REEP1: variants seen among roughly 807,000 people sequenced by gnomAD.
The protein encoded by REEP1 is receptor expression-enhancing protein 1.
REEP1 carries 22 observed loss-of-function variants against 40.3 expected under a neutral mutation model. That is an observed-to-expected ratio of 0.55 (90% CI 0.39 to 0.78). The LOEUF (loss-of-function observed/expected upper bound fraction) is 0.78, where lower values mean the gene tolerates loss of function less well. REEP1 is among the 30% of genes least tolerant of loss of function. The pLI is 0.00. For synonymous variants in REEP1, 116 were observed against 139.2 expected (o/e 0.83, Z 1.17); for missense variants, 280 against 361.1 (o/e 0.78, Z 1.82).
At chr2:86,317,412 TATC>T (rs1304982465) in intron 1 of REEP1, among the ~76,000 whole-genome samples, 1 of 152,220 alleles carries the variant, frequency 6.6e-6, no homozygotes, top group African/African-American at 2.4e-5. Flanking sequence ...TGATTCTCTG[TATC>T]ATCTACAGAC....
chr2:86,273,748 C>T (rs1266915806), intron 2 of REEP1, among the ~76,000 whole-genome samples: 3 of 152,182 alleles, frequency 2.0e-5, no homozygotes, highest in Non-Finnish European at 4.4e-5. Context: ...CTAGGACATA[C>T]CCGAAGTTTG....
chr2:86,240,539 G>C (rs1257592902), intron 5 of REEP1, among the ~76,000 whole-genome samples: 2 of 152,230 alleles, frequency 1.3e-5, no homozygotes, highest in Admixed American at 6.5e-5. Flanking sequence ...CAGGGCGTGA[G>C]AGTGGACGAA....
At chr2:86,316,080 G>C (rs983049689) in intron 1 of REEP1, among the ~76,000 whole-genome samples, 14 of 152,124 alleles carry the variant, frequency 9.2e-5, no homozygotes, top group Non-Finnish European at 2.1e-4. Flanking sequence ...GTACAGACGA[G>C]ACACCAGAAA....
intron 2 of REEP1, among the ~76,000 whole-genome samples, chr2:86,280,972 AC>A (rs1415257732): frequency 1.6e-4 from 24 of 152,076 alleles, no homozygotes; most frequent in African/African-American, 5.6e-4. Flanking sequence ...GCTATTACCC[AC>A]CCCACTGTTC....
At chr2:86,255,121 G>GGCTGT (rs1676484696) in intron 3 of REEP1, 3 of 316,278 alleles carry the variant, frequency 9.5e-6, no homozygotes, top group Non-Finnish European at 1.8e-5. Context: ...CTTCCTGCTG[G>GGCTGT]GCTGTGCTCA....
At chr2:86,232,499 G>A (rs1019576391) in intron 6 of REEP1, 126 bp downstream of exon 6, 11 of 1,157,992 alleles carry the variant, frequency 9.5e-6, no homozygotes, top group Non-Finnish European at 1.1e-5. Context: ...ATGATCTGAT[G>A]GACACCCCGT....
chr2:86,290,465 C>G (rs1442450775), intron 1 of REEP1, among the ~76,000 whole-genome samples: 1 of 152,076 alleles, frequency 6.6e-6, no homozygotes, highest in Non-Finnish European at 1.5e-5. Context: ...TTAAAAAAAC[C>G]AAAGCATTCA....
At chr2:86,227,586 A>G (rs1674779122) in intron 6 of REEP1, among the ~76,000 whole-genome samples, 188 bp from the exon 7 acceptor site, 1 of 152,144 alleles carries the variant, frequency 6.6e-6, no homozygotes, top group Non-Finnish European at 1.5e-5. Context: ...GTTTCTGCTC[A>G]GGTGCAGAAG....
chr2:86,277,700 C>T (rs368685075), intron 2 of REEP1, among the ~76,000 whole-genome samples: 6 of 152,180 alleles, frequency 3.9e-5, no homozygotes, highest in Non-Finnish European at 5.9e-5. Context: ...CTGAAAGCAA[C>T]GGGAGCATGA....
At chr2:86,241,289 C>T (rs1268585593) in intron 5 of REEP1, among the ~76,000 whole-genome samples, 1 of 152,258 alleles carries the variant, frequency 6.6e-6, no homozygotes, top group East Asian at 1.9e-4. Flanking sequence ...CAAATCTGCC[C>T]AGCCGCTGGT....
chr2:86,335,799 A>C (rs1297511714), intron 1 of REEP1, among the ~76,000 whole-genome samples: 1 of 145,190 alleles, frequency 6.9e-6, no homozygotes, highest in Non-Finnish European at 1.5e-5. Context: ...CAGTGAGCCG[A>C]GACTGTGCCA....
At chr2:86,323,376 A>G (rs895198014) in intron 1 of REEP1, among the ~76,000 whole-genome samples, 1 of 152,110 alleles carries the variant, frequency 6.6e-6, no homozygotes, top group Non-Finnish European at 1.5e-5. Flanking sequence ...AGGGCCCCCA[A>G]CCCCTGGGCT....
chr2:86,261,344 G>T (rs1364102979), intron 3 of REEP1, among the ~76,000 whole-genome samples: 1 of 152,202 alleles, frequency 6.6e-6, no homozygotes, highest in Non-Finnish European at 1.5e-5. Flanking sequence ...TGTCTGTGTA[G>T]AAAGAAGTAG....
intron 3 of REEP1, among the ~76,000 whole-genome samples, chr2:86,259,472 G>A (rs761848371): frequency 1.3e-4 from 19 of 151,048 alleles, no homozygotes; most frequent in Non-Finnish European, 1.8e-4. Context: ...TGCAACCTCC[G>A]CCTCCCGGGT....
upstream of REEP1, chr2:86,337,687 G>T (rs1366606809): frequency 4.0e-6 from 4 of 990,982 alleles, no homozygotes; most frequent in Non-Finnish European, 4.8e-6. This position sits in a 1 kb window ranked among gnomAD's most constrained non-coding sequence, Gnocchi z 5.8. Flanking sequence ...ACGTTCTGGC[G>T]GCGGCGGCGG....
At chr2:86,334,174 T>C (rs1426324993) in intron 1 of REEP1, among the ~76,000 whole-genome samples, 1 of 152,212 alleles carries the variant, frequency 6.6e-6, no homozygotes, top group Admixed American at 6.5e-5. Context: ...TTCTTCAAAA[T>C]GCTCACGGCC....
chr2:86,262,288 C>T (rs1676907256), intron 3 of REEP1, among the ~76,000 whole-genome samples: 1 of 152,174 alleles, frequency 6.6e-6, no homozygotes, highest in African/African-American at 2.4e-5. Context: ...CAGCTCTGTA[C>T]AAAATGGCCT....
rs1170155444 is a variant in REEP1 at position 86,222,889 on chromosome 2, C to CTCTGCCTCCTCCATGT, written c.632-2784_632-2769dup. Among the ~76,000 whole-genome samples the CTCTGCCTCCTCCATGT allele has an allele frequency of 1.1e-4, 16 of 152,324 alleles. 1 individual carries two copies. Among genetic ancestry groups the CTCTGCCTCCTCCATGT allele is most frequent in the East Asian group, 3.9e-4 (2 of 5,182 alleles). ...GAGTAGCTGGGTAGAAAATCCCATGCTCTGCCTCCTCCATGTTCTTGTCCC... is the reference window on the plus strand; with the variant it reads ...GAGTAGCTGGGTAGAAAATCCCATGCTCTGCCTCCTCCATGTTCTGCCTCCTCCATGTTCTTGTCCC... On this transcript the variant is annotated intron_variant, in intron 7 of 8. Coordinates refer to ENST00000538924, the MANE Select transcript of REEP1 (RefSeq NM_001371279.1).
intron 6 of REEP1, among the ~76,000 whole-genome samples, chr2:86,232,007 A>G (rs1675045878): frequency 6.6e-6 from 1 of 152,198 alleles, no homozygotes; most frequent in Admixed American, 6.5e-5. Flanking sequence ...GTGTGACACC[A>G]GAGTCAGACA....
Sources: allele counts gnomAD v4.1 joint callset (sites outside exome capture counted in the v4.1 genomes callset), GRCh38; gene constraint gnomAD v4.1.1; non-coding constraint Gnocchi (gnomAD v3.1); transcripts MANE v1.5; gene names NCBI Gene and HGNC (gene_info 2026-07-23, HGNC 2026-07-21).